Variants in FBN1 observed in about 807,000 individuals in gnomAD.
FBN1 encodes fibrillin 1.
FBN1 carries 29 observed loss-of-function variants against 365.1 expected under a neutral mutation model. The observed-to-expected ratio is 0.08, with a 90% confidence interval of 0.06 to 0.11. FBN1 has a LOEUF of 0.11. Among genes scored for constraint, FBN1 ranks in the 10% least tolerant of loss-of-function variants. FBN1 has a pLI of 1.00. For synonymous variants in FBN1, 1,210 were observed against 1,270.5 expected (o/e 0.95, Z 1.01); for missense variants, 2,476 against 3,703.2 (o/e 0.67, Z 8.60).
At chr15:48,416,653 T>A (rs1233603090) in intron 63 of FBN1, 1 of 152,208 alleles carries the variant, frequency 6.6e-6, no homozygotes, top group African/African-American at 2.4e-5. Context: ...TTTAAAAAAA[T>A]CAGCTAGAAG....
chr15:48,606,216 C>T (rs760539316), intron 4 of FBN1, among the ~76,000 whole-genome samples: 5 of 152,148 alleles, frequency 3.3e-5, no homozygotes, highest in Non-Finnish European at 5.9e-5. Context: ...TTAGAAATTG[C>T]ATTTCTGTGT....
rs886039132 is a variant in FBN1, at chr15:48,644,621, T to A, written c.149A>T (p.His50Leu). 2 of 1,614,080 alleles carry A rather than the reference T, an allele frequency of 1.2e-6. No homozygotes were observed. The highest frequency in any genetic ancestry group is 4.5e-5 in the East Asian group (2 of 44,888). Residue 50 changes from histidine to leucine, a missense_variant, in exon 2 of 66, where the codon CAC becomes CTC. Physicochemically the swap from His to Leu is moderately conservative, Grantham distance 99. Transcript: ENST00000316623. ...GTTCCTTTACCCTTTAAGCGCGTCG[T>A]GTCCTCCACCGCCTCTTCTCTTGGC... ...SRAKRRGGGG[H>L]DALKGPNVCG...
At chr15:48,499,732 T>A (rs553963636) in intron 17 of FBN1, among the ~76,000 whole-genome samples, 14 of 152,172 alleles carry the variant, frequency 9.2e-5, no homozygotes, top group Non-Finnish European at 1.8e-4. Flanking sequence ...TTATATACAA[T>A]TCCAACAATA....
At chr15:48,583,861 A>C (rs1202759625) in intron 6 of FBN1, among the ~76,000 whole-genome samples, 1 of 152,228 alleles carries the variant, frequency 6.6e-6, no homozygotes, top group Non-Finnish European at 1.5e-5. Flanking sequence ...TGTGTACTAA[A>C]GAAAAGCACA....
At chr15:48,459,870 A>T (rs941708129) in intron 43 of FBN1, among the ~76,000 whole-genome samples, 1 of 152,240 alleles carries the variant, frequency 6.6e-6, no homozygotes, top group Admixed American at 6.5e-5. Context: ...ACACGTAAGG[A>T]TTGGTGTGAA....
At chr15:48,600,704 G>GA (rs962529062) in intron 4 of FBN1, among the ~76,000 whole-genome samples, 24 of 150,922 alleles carry the variant, frequency 1.6e-4, no homozygotes, top group Non-Finnish European at 8.9e-5. Context: ...GCGAAAGAAA[G>GA]AAAAAAAAAT....
At position 48,437,054 on chromosome 15, in the gene FBN1, C is replaced by T. The variant is rs746167150; in HGVS notation, c.6403G>A (p.Asp2135Asn). ...ATGCACTGTCCATGTTTACAGACAT[C>T]GGGTTCTTTGCATTCGTCCATATCT... Reference protein sequence around the residue: ...AVDMDECKEPDVCKHGQCINT... With the variant: ...AVDMDECKEPNVCKHGQCINT... Residue 2135 changes from aspartate to asparagine, a missense_variant, in exon 53 of 66, where the codon GAT becomes AAT. Asp to Asn is a conservative substitution (Grantham distance 23). Around this residue, in one of 5 missense-constraint regions of FBN1, gnomAD observed 1,780 missense variants for 2,840.8 expected, o/e 0.63. Transcript: ENST00000316623. 5 of 1,612,488 alleles carry T rather than the reference C, an allele frequency of 3.1e-6. No individual in the cohort carries two copies. The highest frequency in any genetic ancestry group is 3.3e-5 in the Admixed American group (2 of 59,912).
intron 14 of FBN1, 89 bp from the exon 15 acceptor site, chr15:48,508,793 G>T: frequency 6.7e-7 from 1 of 1,503,506 alleles, no homozygotes. Flanking sequence ...CTGTTTCTTC[G>T]TATTTCTTTC....
At chr15:48,527,993 A>C (rs1462139365) in intron 8 of FBN1, among the ~76,000 whole-genome samples, 1 of 152,246 alleles carries the variant, frequency 6.6e-6, no homozygotes, top group Non-Finnish European at 1.5e-5. Context: ...AAGTATGTCA[A>C]AGAGCCTACA....
chr15:48,613,175 T>C, intron 2 of FBN1, 83 bp from the exon 3 acceptor site: 2 of 1,079,950 alleles, frequency 1.9e-6, no homozygotes, highest in South Asian at 1.3e-5. Context: ...AAAAAATTCC[T>C]GAGTTATAAA....
At chr15:48,614,367 G>A (rs1889609644) in intron 2 of FBN1, among the ~76,000 whole-genome samples, 1 of 152,134 alleles carries the variant, frequency 6.6e-6, no homozygotes, top group African/African-American at 2.4e-5. Flanking sequence ...TTTCAGTTAG[G>A]GTGCACTCCC....
At chr15:48,539,732 C>A (rs2044042532) in intron 6 of FBN1, among the ~76,000 whole-genome samples, 1 of 152,126 alleles carries the variant, frequency 6.6e-6, no homozygotes, top group African/African-American at 2.4e-5. Context: ...CTCTTCTCTG[C>A]ATGATATAGC....
chr15:48,452,644 G>A lies in FBN1; in HGVS notation c.5463C>T (p.Asn1821=), dbSNP rs753966383. The A allele has an allele frequency of 1.8e-5, 29 of 1,614,012 alleles. No individual in the cohort carries two copies. The highest frequency in any genetic ancestry group is 4.0e-5 in the African/African-American group (3 of 74,936). Residue 1821 remains asparagine (N), a synonymous_variant, in exon 45 of 66, where the codon AAC becomes AAT. Coordinates refer to ENST00000316623, the MANE Select transcript of FBN1 (RefSeq NM_000138.5). ...ECQNGPVCQR[N]AECINTAGSY... is the part of the protein sequence containing the mutation. ...TGCCTGCAGTGTTGATGCATTCGGC[G>A]TTGCGCTGGCACACTGGGCCGTTCT... is the stretch of plus-strand genomic sequence containing the variant.
At chr15:48,470,514 A>G (rs2043363140) in intron 36 of FBN1, 120 bp downstream of exon 36, 2 of 1,355,080 alleles carry the variant, frequency 1.5e-6, no homozygotes, top group East Asian at 2.3e-5. Context: ...GTGATTCTTA[A>G]TACTTCCCCC....
chr15:48,433,073 TACCA>T, intron 54 of FBN1, 85 bp from the exon 55 acceptor site: 3 of 1,490,010 alleles, frequency 2.0e-6, no homozygotes, highest in Non-Finnish European at 2.8e-6. Context: ...TCTAAAACTT[TACCA>T]AAAGTTGCAA....
chr15:48,559,336 G>T (rs1025694023), intron 6 of FBN1, among the ~76,000 whole-genome samples: 1 of 152,082 alleles, frequency 6.6e-6, no homozygotes, highest in South Asian at 2.1e-4. Context: ...AATCCTCAAG[G>T]CTCCAGGCAC....
intron 58 of FBN1, among the ~76,000 whole-genome samples, 188 bp from the exon 59 acceptor site, chr15:48,426,052 C>A (rs1384893595): frequency 6.6e-6 from 1 of 152,136 alleles, no homozygotes; most frequent in East Asian, 1.9e-4. Context: ...AAACAAATAA[C>A]TTCATTAGAC....
intron 30 of FBN1, 126 bp from the exon 31 acceptor site, chr15:48,484,069 C>A: frequency 1.0e-6 from 1 of 956,804 alleles, no homozygotes; most frequent in Non-Finnish European, 1.6e-6. Context: ...CTCTCAAATC[C>A]AAATGAAGCT....
intron 6 of FBN1, among the ~76,000 whole-genome samples, chr15:48,584,998 G>A (rs537532797): frequency 2.2e-4 from 34 of 152,202 alleles, no homozygotes; most frequent in Non-Finnish European, 4.3e-4. Flanking sequence ...TAACGTTCAC[G>A]AGTCTTAGTT....
Sources: allele counts gnomAD v4.1 joint callset (sites outside exome capture counted in the v4.1 genomes callset), GRCh38; gene constraint gnomAD v4.1.1; regional missense constraint gnomAD v4.1.1; transcripts MANE v1.5; gene names NCBI Gene and HGNC (gene_info 2026-07-23, HGNC 2026-07-21).